The following PON1 variants were observed in gnomAD, a reference collection of about 807,000 sequenced individuals.
The protein encoded by PON1 is serum paraoxonase/arylesterase 1.
In PON1, 37 loss-of-function variants were observed where a neutral mutation model predicts 39.2. The ratio of observed to expected loss-of-function variants is 0.94; its 90% CI spans 0.73 to 1.24. PON1 has a LOEUF of 1.24. PON1 is among the 50% of genes most tolerant of loss of function. PON1 has a pLI of 0.00. For missense variants in PON1, 397 were observed against 413.5 expected, an observed-to-expected ratio of 0.96 and a Z score of 0.35; for synonymous variants, 148 against 152.2, an observed-to-expected ratio of 0.97 and a Z score of 0.21.
chr7:95,309,985 C>T (rs1268326487), intron 5 of PON1, among the ~76,000 whole-genome samples: 5 of 152,156 alleles, frequency 3.3e-5, no homozygotes, highest in African/African-American at 1.2e-4. Flanking sequence ...ATTTTTGCAA[C>T]TGGCTCAAGA....
intron 3 of PON1, 43 bp from the exon 4 acceptor site, chr7:95,315,533 C>T (rs1267022615): frequency 2.5e-6 from 4 of 1,592,068 alleles, no homozygotes; most frequent in Non-Finnish European, 3.4e-6. Flanking sequence ...AATACCAGTA[C>T]TTCAAATGCT....
rs371803280 is a variant in PON1, at chr7:95,302,312, C to T, written c.802G>A (p.Val268Met). The T allele has an allele frequency of 1.3e-4, 213 of 1,607,242 alleles. No homozygotes were observed. Among genetic ancestry groups the T allele is most frequent in the Non-Finnish European group, 1.7e-4 (198 of 1,174,342 alleles). Residue 268 changes from valine (V) to methionine (M), a missense_variant, in exon 8 of 9, where the codon GTG (valine) becomes ATG (methionine). By Grantham distance (21) the Val-to-Met change is conservative. Transcript: ENST00000222381. ...TCAGGATCCACAGATATGTTATCCA[C>T]GAGGGTATTAAAGTCAAGGGACTTA... ...PLKSLDFNTL[V>M]DNISVDPETG...
chr7:95,310,674 T>C (rs960350489), intron 5 of PON1, among the ~76,000 whole-genome samples: 1 of 152,180 alleles, frequency 6.6e-6, no homozygotes, highest in Non-Finnish European at 1.5e-5. Context: ...GGCCCTTAGC[T>C]AGGTACCTGC....
rs780026418 is a variant in PON1 at position 95,298,941 on chromosome 7, C to CTGTT, written c.1067_*2dup. ...TTCTATGGCATGGGTGCAAATCGGT[C>CTGTT]TGTTAGAGCTCACAGTAAAGAGCTT... On this transcript the variant is annotated 3_prime_UTR_variant, in exon 9 of 9. Coordinates refer to ENST00000222381, the MANE Select transcript of PON1 (RefSeq NM_000446.7). 11 of 1,614,094 alleles carry CTGTT rather than the reference C, an allele frequency of 6.8e-6. No homozygotes were observed. Among genetic ancestry groups the CTGTT allele is most frequent in the South Asian group, 5.5e-5 (5 of 91,058 alleles).
chr7:95,309,116 G>C (rs1807603467), intron 5 of PON1, among the ~76,000 whole-genome samples: 1 of 152,090 alleles, frequency 6.6e-6, no homozygotes, highest in South Asian at 2.1e-4. Flanking sequence ...GGCATGCAGA[G>C]CCTCAGTTTT....
rs1230951618 is a variant in PON1, at chr7:95,302,266, C to T, written c.848G>A (p.Gly283Glu). The T allele has an allele frequency of 1.9e-6, 3 of 1,609,406 alleles. No individual in the cohort carries two copies. The highest frequency in any genetic ancestry group is 8.5e-7 in the Non-Finnish European group (1 of 1,175,888). Residue 283 changes from glycine to glutamate, a missense_variant, in exon 8 of 9, where the codon GGA (glycine) becomes GAA (glutamate). Transcript: ENST00000222381. ...GATTTTCATGCCATTGGGATGGCAT[C>T]CAACCCAAAGGTCTCCTGTCTCAGG... Reference protein sequence around the residue: ...VDPETGDLWVGCHPNGMKIFF... With the variant: ...VDPETGDLWVECHPNGMKIFF...
At chr7:95,318,085 C>CT (rs11343146) in intron 2 of PON1, among the ~76,000 whole-genome samples, 131 of 131,180 alleles carry the variant, frequency 1.0e-3, no homozygotes, top group East Asian at 5.1e-3. Context: ...TTCTTTTTTT[C>CT]TTTTTTTTTT....
At chr7:95,304,504 T>G (rs993206528) in intron 7 of PON1, among the ~76,000 whole-genome samples, 43 of 152,206 alleles carry the variant, frequency 2.8e-4, no homozygotes, top group African/African-American at 9.2e-4. Flanking sequence ...GGCTAATTTT[T>G]TGTACCTTTA....
chr7:95,318,537 C>A (rs1302002584), intron 1 of PON1, 144 bp from the exon 2 acceptor site: 2 of 723,442 alleles, frequency 2.8e-6, no homozygotes, highest in African/African-American at 1.7e-5. Flanking sequence ...TTTTTCCAGG[C>A]AAGGCCAGGG....
chr7:95,321,781 C>A (rs915693612), intron 1 of PON1, among the ~76,000 whole-genome samples: 5 of 152,160 alleles, frequency 3.3e-5, no homozygotes, highest in African/African-American at 9.7e-5. Context: ...ACTGGAAAGA[C>A]CCCTACTCAT....
chr7:95,306,656 G>A (rs1341971730), intron 6 of PON1, among the ~76,000 whole-genome samples: 4 of 152,160 alleles, frequency 2.6e-5, no homozygotes, highest in South Asian at 2.1e-4. Flanking sequence ...GCATTACAGC[G>A]TTTCTCTTTT....
intron 8 of PON1, among the ~76,000 whole-genome samples, chr7:95,301,199 TCTTA>T (rs1306935332): frequency 6.6e-6 from 1 of 152,160 alleles, no homozygotes; most frequent in African/African-American, 2.4e-5. Flanking sequence ...GGTTGCAAAT[TCTTA>T]CTTGTACCCA....
Position 95,306,379 on chromosome 7 carries a change from A to C in PON1, c.699-13T>G. 1 of 1,553,792 alleles carries C rather than the reference A, an allele frequency of 6.4e-7. No individual in the cohort carries two copies. Among genetic ancestry groups the C allele is most frequent in the Non-Finnish European group, 8.9e-7 (1 of 1,125,936 alleles). On this transcript the variant is annotated splice_polypyrimidine_tract_variant and intron_variant, in intron 6 of 8. Transcript: ENST00000222381. ...TATATAGACATACCTTCAAAGAAGA[A>C]AGAGCTACATCAAAGTACTAGAAGT...
intron 6 of PON1, among the ~76,000 whole-genome samples, chr7:95,307,780 T>A (rs1468355865): frequency 6.6e-6 from 1 of 152,170 alleles, no homozygotes; most frequent in Non-Finnish European, 1.5e-5. Flanking sequence ...TTCCCCCTCT[T>A]AAAATGTACT....
In PON1 at chr7:95,321,207, C is replaced by A. The variant is rs3917483; in HGVS notation, c.75-2814G>T. Reference sequence around the variant, plus strand: ...CTCCCAAGGAGGTCATTAATCTATTCATGAGGGATCCATCTTCATGACCCA... The same window carrying A: ...CTCCCAAGGAGGTCATTAATCTATTAATGAGGGATCCATCTTCATGACCCA... On this transcript the variant is annotated intron_variant, in intron 1 of 8. Coordinates refer to ENST00000222381, the MANE Select transcript of PON1 (RefSeq NM_000446.7). 9.9e-3 allele frequency among the ~76,000 whole-genome samples: 1,507 copies of A among 152,272 alleles called. 25 individuals are homozygous for A. The highest frequency in any genetic ancestry group is 0.034 in the African/African-American group (1,418 of 41,540).
chr7:95,302,167 G>GA, intron 8 of PON1, 38 bp downstream of exon 8: 8 of 1,527,634 alleles, frequency 5.2e-6, no homozygotes, highest in Non-Finnish European at 7.1e-6. Flanking sequence ...CAGTAGCTGG[G>GA]AATAAAGTCA....
chr7:95,304,419 G>A lies in PON1; in HGVS notation c.780+1866C>T, dbSNP rs552936258. Reference sequence around the variant, plus strand: ...GTGATCTCAGCTCACTGCAACCTCCGCCTCCCAGGTTCAAGTGATTCTCCT... The same window carrying A: ...GTGATCTCAGCTCACTGCAACCTCCACCTCCCAGGTTCAAGTGATTCTCCT... On this transcript the variant is annotated intron_variant, in intron 7 of 8. Coordinates refer to ENST00000222381, the MANE Select transcript of PON1 (RefSeq NM_000446.7). Among the ~76,000 whole-genome samples, 283 of 137,880 alleles carry A rather than the reference G, an allele frequency of 2.1e-3. 1 individual carries two copies. Among genetic ancestry groups the A allele is most frequent in the African/African-American group, 7.0e-3 (256 of 36,476 alleles). 90.5% of individuals were successfully genotyped at this position (137,880 alleles called of 152,430 possible).
chr7:95,315,416 T>C lies in PON1; in HGVS notation c.276A>G (p.Glu92=). The change falls in exon 4 of 9, where the codon GAA becomes GAG. Residue 92 remains glutamate, a synonymous_variant. Coordinates refer to ENST00000222381, the MANE Select transcript of PON1 (RefSeq NM_000446.7). ...PGKILLMDLN[E]EDPTVLELGI... Reference sequence around the variant, plus strand: ...CCAATTCCAACACTGTTGGATCTTCTTCATTCAGGTCCATCAGAAGTATTT... The same window carrying C: ...CCAATTCCAACACTGTTGGATCTTCCTCATTCAGGTCCATCAGAAGTATTT... 6.2e-7 allele frequency: 1 copy of C among 1,613,434 alleles called. No individual in the cohort carries two copies. The highest frequency in any genetic ancestry group is 1.1e-5 in the South Asian group (1 of 91,074).
intron 1 of PON1, among the ~76,000 whole-genome samples, chr7:95,323,158 T>A (rs1238187505): frequency 6.6e-6 from 1 of 152,158 alleles, no homozygotes; most frequent in Non-Finnish European, 1.5e-5. Flanking sequence ...TGCTCAGGCA[T>A]CTGGTCCCCA....
Sources: gnomAD v4.1 joint callset for allele counts (sites outside exome capture counted in the v4.1 genomes callset) on GRCh38, gnomAD v4.1.1 for gene constraint, MANE v1.5 for transcripts, NCBI Gene and HGNC (gene_info 2026-07-23, HGNC 2026-07-21) for gene names.